The following TRAPPC9 variants were observed in gnomAD, a reference collection of about 807,000 sequenced individuals.
TRAPPC9 encodes the protein trafficking protein particle complex subunit 9.
A neutral mutation model predicts 124.0 loss-of-function variants in TRAPPC9; 83 were observed. That is an observed-to-expected ratio of 0.67 (90% CI 0.56 to 0.80). The LOEUF (loss-of-function observed/expected upper bound fraction) is 0.80. Among genes scored for constraint, TRAPPC9 ranks in the 30% least tolerant of loss-of-function variants. The pLI is 0.00. For missense variants in TRAPPC9, 1,302 were observed against 1,508.3 expected (o/e 0.86, Z 2.27); for synonymous variants, 638 against 617.5 (o/e 1.03, Z -0.49).
chr8:140,251,547 T>C (rs1465345552), intron 16 of TRAPPC9, among the ~76,000 whole-genome samples: 2 of 152,228 alleles, frequency 1.3e-5, no homozygotes, highest in African/African-American at 4.8e-5. Context: ...ATGCTGACTA[T>C]TTGAACTGCA....
intron 18 of TRAPPC9, among the ~76,000 whole-genome samples, chr8:139,989,237 G>C (rs1049968500): frequency 6.6e-6 from 1 of 152,238 alleles, no homozygotes; most frequent in African/African-American, 2.4e-5. Context: ...CAAGGATGCT[G>C]TGTCCAAGCC....
At chr8:139,864,985 G>C (rs1828429276) in intron 21 of TRAPPC9, among the ~76,000 whole-genome samples, 2 of 152,158 alleles carry the variant, frequency 1.3e-5, no homozygotes, top group African/African-American at 4.8e-5. Context: ...TGAAACTTTG[G>C]AACTAAGAAT....
intron 17 of TRAPPC9, among the ~76,000 whole-genome samples, chr8:140,073,608 G>T (rs761753997): frequency 1.3e-5 from 2 of 152,166 alleles, no homozygotes; most frequent in Admixed American, 6.5e-5. Context: ...GAGGGAGAAG[G>T]GTTAATAGAA....
chr8:140,093,935 C>T (rs565183993), intron 17 of TRAPPC9, among the ~76,000 whole-genome samples: 30 of 152,284 alleles, frequency 2.0e-4, no homozygotes, highest in African/African-American at 6.0e-4. Context: ...CACACTGCAT[C>T]GATTATGAAG....
chr8:139,866,274 A>G lies in TRAPPC9; in HGVS notation c.3055+19605T>C, dbSNP rs144598858. On this transcript the variant is annotated intron_variant, in intron 21 of 22. Coordinates refer to ENST00000438773, the MANE Select transcript of TRAPPC9 (RefSeq NM_001160372.4). ...GAGGAATATTCCACCCCCACGTCCC[A>G]TGATGGCCTGAACCTGTCTCTCAGG... 2.5e-3 allele frequency among the ~76,000 whole-genome samples: 380 copies of G among 152,356 alleles called. 3 individuals are homozygous for G. The highest frequency in any genetic ancestry group is 8.8e-3 in the African/African-American group (368 of 41,590).
At chr8:140,215,233 C>T (rs1386400011) in intron 17 of TRAPPC9, among the ~76,000 whole-genome samples, 3 of 152,170 alleles carry the variant, frequency 2.0e-5, no homozygotes, top group Non-Finnish European at 4.4e-5. Context: ...GACGCACCCA[C>T]GCTCCTTCCG....
intron 21 of TRAPPC9, among the ~76,000 whole-genome samples, chr8:139,819,460 G>C (rs1170939732): frequency 6.6e-6 from 1 of 152,118 alleles, no homozygotes; most frequent in Non-Finnish European, 1.5e-5. Flanking sequence ...AGTCCCTGAT[G>C]CCAAAAAGGT....
intron 19 of TRAPPC9, among the ~76,000 whole-genome samples, chr8:139,928,801 A>G (rs1031917786): frequency 1.3e-5 from 2 of 150,950 alleles, no homozygotes; most frequent in Admixed American, 1.3e-4. Context: ...TGGCGCTCAC[A>G]GGGTCTTGTC....
chr8:139,899,223 T>C (rs181781782), intron 20 of TRAPPC9, among the ~76,000 whole-genome samples: 2 of 150,830 alleles, frequency 1.3e-5, no homozygotes, highest in Non-Finnish European at 3.0e-5. Flanking sequence ...GTCTACCGCC[T>C]ACACAGTCGA....
intron 19 of TRAPPC9, among the ~76,000 whole-genome samples, chr8:139,956,127 G>A (rs978057662): frequency 1.4e-4 from 21 of 151,942 alleles, no homozygotes; most frequent in Middle Eastern, 3.2e-3. Context: ...TTGTTCTTTC[G>A]TGCATTTCAC....
intron 17 of TRAPPC9, among the ~76,000 whole-genome samples, chr8:140,070,981 A>G (rs1843131348): frequency 6.6e-6 from 1 of 152,242 alleles, no homozygotes; most frequent in Non-Finnish European, 1.5e-5. Context: ...GCACTCGGCC[A>G]GAAGCAACGG....
rs559106657 is a variant in TRAPPC9 at position 140,408,286 on chromosome 8, G to C, written c.887-2588C>G. ...GAGCATGGATGAGAAGTCACGGGGA[G>C]GGGGGAAGGTTGAAAAAGGCACCAC... On this transcript the variant is annotated intron_variant, in intron 5 of 22. Transcript: ENST00000438773. 3.9e-5 allele frequency among the ~76,000 whole-genome samples: 6 copies of C among 152,230 alleles called. No individual in the cohort carries two copies. The South Asian group carries it at 1.2e-3, about 32-fold the overall frequency.
In TRAPPC9 at chr8:139,737,912, T is replaced by G. The variant is rs118174405; in HGVS notation, c.3056-5710A>C. Among the ~76,000 whole-genome samples, 167 of 152,286 alleles carry G rather than the reference T, an allele frequency of 1.1e-3. 1 individual carries two copies. Among genetic ancestry groups the G allele is most frequent in the Non-Finnish European group, 1.7e-3 (116 of 68,024 alleles). On this transcript the variant is annotated intron_variant, in intron 21 of 22. Transcript: ENST00000438773. Reference sequence around the variant, plus strand: ...CAGCGGAGGAGAACTAGGACGGGGATGCTTTGCATTTCGACAGCTTCTCCA... The same window carrying G: ...CAGCGGAGGAGAACTAGGACGGGGAGGCTTTGCATTTCGACAGCTTCTCCA...
intron 9 of TRAPPC9, among the ~76,000 whole-genome samples, chr8:140,320,637 C>T (rs1386367909): frequency 6.6e-6 from 1 of 152,240 alleles, no homozygotes; most frequent in Non-Finnish European, 1.5e-5. Flanking sequence ...TGCCTCTCCA[C>T]ATTTACCTAG....
At position 140,339,999 on chromosome 8, in the gene TRAPPC9, C is replaced by T. The variant is rs548501552; in HGVS notation, c.1495+20051G>A. Among the ~76,000 whole-genome samples the T allele has an allele frequency of 4.0e-3, 606 of 152,254 alleles. 6 individuals carry two copies. The highest frequency in any genetic ancestry group is 0.034 in the Middle Eastern group (10 of 294). ...CTGGAATTACAGGCGTGGTGCACCA[C>T]CACACGCAGCTAATTTTTTGTATTT... On this transcript the variant is annotated intron_variant, in intron 9 of 22. Coordinates refer to ENST00000438773, the MANE Select transcript of TRAPPC9 (RefSeq NM_001160372.4).
intron 14 of TRAPPC9, among the ~76,000 whole-genome samples, 188 bp downstream of exon 14, chr8:140,283,701 A>G (rs985589148): frequency 1.3e-5 from 2 of 152,088 alleles, no homozygotes; most frequent in Non-Finnish European, 2.9e-5. Flanking sequence ...TCATGGTAAG[A>G]AAGATTTCAA....
rs1482224646 is a variant in TRAPPC9 at position 139,825,105 on chromosome 8, C to T, written c.3055+60774G>A. Among the ~76,000 whole-genome samples, 2 of 152,160 alleles carry T rather than the reference C, an allele frequency of 1.3e-5. No homozygotes were observed. The highest frequency in any genetic ancestry group is 6.5e-5 in the Admixed American group (1 of 15,298). On this transcript the variant is annotated intron_variant, in intron 21 of 22. Coordinates refer to ENST00000438773, the MANE Select transcript of TRAPPC9 (RefSeq NM_001160372.4). This position sits in a 1 kb window ranked among gnomAD's most constrained non-coding sequence, Gnocchi z 4.6. The stretch of plus-strand genomic sequence containing the variant: ...GCTGGAGTGGGGGTCACAGATGACC[C>T]GGGCCCTGGACGTGGGACGTGGGCT...
intron 17 of TRAPPC9, among the ~76,000 whole-genome samples, chr8:140,076,850 T>C (rs961426297): frequency 6.6e-6 from 1 of 152,140 alleles, no homozygotes; most frequent in African/African-American, 2.4e-5. Context: ...TAAATAACAT[T>C]TATATAATGT....
intron 10 of TRAPPC9, among the ~76,000 whole-genome samples, chr8:140,303,011 C>T (rs1040194958): frequency 3.9e-5 from 6 of 152,168 alleles, no homozygotes; most frequent in Non-Finnish European, 7.3e-5. Flanking sequence ...GTGGCATGAA[C>T]ACAGTCATGG....
Sources: gnomAD v4.1 joint callset for allele counts (sites outside exome capture counted in the v4.1 genomes callset) on GRCh38, gnomAD v4.1.1 for gene constraint, Gnocchi (gnomAD v3.1) non-coding constraint, MANE v1.5 for transcripts, NCBI Gene and HGNC (gene_info 2026-07-23, HGNC 2026-07-21) for gene names.